OTX2: variants seen among roughly 807,000 people sequenced by gnomAD.
OTX2 encodes the protein orthodenticle homeobox 2.
OTX2 carries 4 observed loss-of-function variants against 29.0 expected under a neutral mutation model. That is an observed-to-expected ratio of 0.14 (90% CI 0.07 to 0.32). The LOEUF (loss-of-function observed/expected upper bound fraction) is 0.32, where lower values mean the gene tolerates loss of function less well. Among genes scored for constraint, OTX2 ranks in the 10% least tolerant of loss-of-function variants. OTX2 has a pLI of 1.00. For missense variants in OTX2, 298 were observed against 365.9 expected (o/e 0.81, Z 1.51); for synonymous variants, 134 against 141.0 (o/e 0.95, Z 0.35).
chr14:56,805,812 T>TAAAAAAA (rs397957887), intron 2 of OTX2: 1 of 111,290 alleles, frequency 9.0e-6, no homozygotes, highest in Non-Finnish European at 1.7e-5. Flanking sequence ...ACCCTAAACT[T>TAAAAAAA]AAAAAAAAAA....
At chr14:56,805,212 C>CA in intron 3 of OTX2, 148 bp downstream of exon 3, 2 of 641,578 alleles carry the variant, frequency 3.1e-6, no homozygotes, top group Non-Finnish European at 5.6e-6. Flanking sequence ...ACTGCTTCCT[C>CA]AGAAGGCAAA....
Position 56,802,907 on chromosome 14 carries a change from G to A in OTX2, c.274-552C>T, listed in dbSNP as rs1229915117. 6.6e-6 allele frequency among the ~76,000 whole-genome samples: 1 copy of A among 152,192 alleles called. No homozygotes were observed. Among genetic ancestry groups the A allele is most frequent in the Non-Finnish European group, 1.5e-5 (1 of 68,034 alleles). On this transcript the variant is annotated intron_variant, in intron 4 of 4. Coordinates refer to ENST00000672264, the MANE Select transcript of OTX2 (RefSeq NM_021728.4). The surrounding 1 kb of genome is among the most constrained non-coding windows in gnomAD (Gnocchi z 4.4). ...GACTCACAGAACAAAGCTCCAAGGG[G>A]AAGACATGATCTTGTTGAAGAAAGA...
At chr14:56,809,504 G>A (rs985299852) in intron 2 of OTX2, among the ~76,000 whole-genome samples, 5 of 152,236 alleles carry the variant, frequency 3.3e-5, no homozygotes, top group Non-Finnish European at 5.9e-5. Flanking sequence ...GCCAAAGAGA[G>A]CGAGCAGTGA....
In OTX2 at chr14:56,801,140, C is replaced by T. The variant is rs764392879; in HGVS notation, c.*595G>A. 3 of 166,350 alleles carry T rather than the reference C, an allele frequency of 1.8e-5. No individual in the cohort carries two copies. Among genetic ancestry groups the T allele is most frequent in the Non-Finnish European group, 4.0e-5 (3 of 75,238 alleles). The allele number at this position is 166,350 out of a possible 1,614,324, so 10.3% of individuals were successfully genotyped here. A position where few individuals can be genotyped will look rare whatever the true frequency, so the allele number is the denominator to read the frequency against. On this transcript the variant is annotated 3_prime_UTR_variant, in exon 5 of 5. Transcript: ENST00000672264. The surrounding 1 kb of genome is among the most constrained non-coding windows in gnomAD (Gnocchi z 4.2). ...TTTGAAGTCTAGCACAGATTAAAAACCACAGATGTACCATTTATAAGACAC... is the reference window on the plus strand; with the variant it reads ...TTTGAAGTCTAGCACAGATTAAAAATCACAGATGTACCATTTATAAGACAC...
rs1333207787 is a variant in OTX2 at position 56,802,362 on chromosome 14, A to G, written c.274-7T>C. The G allele has an allele frequency of 6.2e-7, 1 of 1,614,100 alleles. No homozygotes were observed. Among genetic ancestry groups the G allele is most frequent in the Non-Finnish European group, 8.5e-7 (1 of 1,180,034 alleles). On this transcript the variant is annotated splice_region_variant and splice_polypyrimidine_tract_variant and intron_variant, in intron 4 of 4. Coordinates refer to ENST00000672264, the MANE Select transcript of OTX2 (RefSeq NM_021728.4). This position sits in a 1 kb window ranked among gnomAD's most constrained non-coding sequence, Gnocchi z 4.4. ...TTCGATTCTTAAACCATACCTTGGA[A>G]GGGAAAGAAAATTCTTTAACTCGGT...
Position 56,801,507 on chromosome 14 carries a change from G to A in OTX2, c.*228C>T, listed in dbSNP as rs903692952. ...CACTTTGCAAATCAGGATAACCAAT[G>A]ATCTAAAACTATGACAGGATCTTAA... On this transcript the variant is annotated 3_prime_UTR_variant, in exon 5 of 5. Transcript: ENST00000672264. The surrounding 1 kb of genome is among the most constrained non-coding windows in gnomAD (Gnocchi z 4.2). The A allele has an allele frequency of 6.8e-6, 4 of 584,050 alleles. No homozygotes were observed. Among genetic ancestry groups the A allele is most frequent in the African/African-American group, 5.6e-5 (3 of 53,586 alleles). The allele number at this position is 584,050 out of a possible 1,614,324, so 36.2% of individuals were successfully genotyped here. A position where few individuals can be genotyped will look rare whatever the true frequency, so the allele number is the denominator to read the frequency against.
rs1891872266 is a variant in OTX2, at chr14:56,801,453, T to A, written c.*282A>T. The stretch of plus-strand genomic sequence containing the variant: ...GTTTGATTTTATTTTTGGTGGTGTT[T>A]GGTTGCACATGGCTAGAATGCTTTT... On this transcript the variant is annotated 3_prime_UTR_variant, in exon 5 of 5. Coordinates refer to ENST00000672264, the MANE Select transcript of OTX2 (RefSeq NM_021728.4). This position sits in a 1 kb window ranked among gnomAD's most constrained non-coding sequence, Gnocchi z 4.2. 1 of 484,698 alleles carries A rather than the reference T, an allele frequency of 2.1e-6. No individual in the cohort carries two copies. The highest frequency in any genetic ancestry group is 3.8e-6 in the Non-Finnish European group (1 of 266,440). 30.0% of individuals were successfully genotyped at this position (484,698 alleles called of 1,614,324 possible). A position where few individuals can be genotyped will look rare whatever the true frequency, so the allele number is the denominator to read the frequency against.
chr14:56,807,999 C>A (rs766708256), intron 2 of OTX2, among the ~76,000 whole-genome samples: 1 of 116,010 alleles, frequency 8.6e-6, no homozygotes, highest in Non-Finnish European at 1.9e-5. Flanking sequence ...AGCCCCGCAG[C>A]CCCGCAGCCC....
chr14:56,800,815 T>C lies in OTX2; in HGVS notation c.*920A>G, dbSNP rs80140046. 1 of 152,654 alleles carries C rather than the reference T, an allele frequency of 6.6e-6. No homozygotes were observed. Among genetic ancestry groups the C allele is most frequent in the Admixed American group, 6.5e-5 (1 of 15,278 alleles). 9.5% of individuals were successfully genotyped at this position (152,654 alleles called of 1,614,324 possible). A position where few individuals can be genotyped will look rare whatever the true frequency, so the allele number is the denominator to read the frequency against. ...TAACATCTGCAAGCATAAACGACAA[T>C]GATCTCAGTTTAATAATTCATCAGG... On this transcript the variant is annotated 3_prime_UTR_variant, in exon 5 of 5. Transcript: ENST00000672264.
In OTX2 at chr14:56,801,785, A is replaced by T. The variant is rs764205900; in HGVS notation, c.844T>A (p.Cys282Ser). The T allele has an allele frequency of 5.6e-6, 9 of 1,614,216 alleles. No homozygotes were observed. Among genetic ancestry groups the T allele is most frequent in the Non-Finnish European group, 6.8e-6 (8 of 1,180,044 alleles). Residue 282 changes from cysteine (C) to serine (S), a missense_variant, in exon 5 of 5, where the codon TGC becomes AGC. Physicochemically the swap from Cys to Ser is moderately radical, Grantham distance 112 (BLOSUM62 -1). Transcript: ENST00000672264. The surrounding 1 kb of genome is among the most constrained non-coding windows in gnomAD (Gnocchi z 4.2). The stretch of plus-strand genomic sequence containing the variant: ...GATGTCTGATCTTTATAATCCAAGC[A>T]GTCAGCATTGAAGTTAAGCTTCCAG... ...ASWKLNFNADCLDYKDQTSSW... is the reference protein window; with the variant it reads ...ASWKLNFNADSLDYKDQTSSW...
intron 2 of OTX2, among the ~76,000 whole-genome samples, chr14:56,809,118 G>A (rs537926163): frequency 6.6e-6 from 1 of 151,806 alleles, no homozygotes; most frequent in Admixed American, 6.5e-5. Flanking sequence ...GCGCGCGGGC[G>A]AGCCCTGCCT....
chr14:56,809,154 G>A (rs909408472), intron 2 of OTX2, among the ~76,000 whole-genome samples: 8 of 152,136 alleles, frequency 5.3e-5, no homozygotes, highest in Admixed American at 3.3e-4. Flanking sequence ...CAGCTGAGGG[G>A]CCGCGGTCCC....
chr14:56,801,888 G>A lies in OTX2; in HGVS notation c.741C>T (p.Ser247=). ...AGCTTGAAGCTCCATATCCCTGGGT[G>A]GAAAGAGAAGCTGGGGACTGATTGA... ...SHLNQSPASL[S]TQGYGASSLG... Residue 247 remains serine, a synonymous_variant, in exon 5 of 5, where the codon TCC becomes TCT. Coordinates refer to ENST00000672264, the MANE Select transcript of OTX2 (RefSeq NM_021728.4). The surrounding 1 kb of genome is among the most constrained non-coding windows in gnomAD (Gnocchi z 4.2). The A allele has an allele frequency of 1.2e-6, 2 of 1,614,200 alleles. No homozygotes were observed. Among genetic ancestry groups the A allele is most frequent in the Non-Finnish European group, 1.7e-6 (2 of 1,180,036 alleles).
In OTX2 at chr14:56,804,494, A is replaced by AG; in HGVS notation, c.98-132_98-131insC. 1 of 825,022 alleles carries AG rather than the reference A, an allele frequency of 1.2e-6. No homozygotes were observed. Among genetic ancestry groups the AG allele is most frequent in the South Asian group, 1.8e-5 (1 of 54,292 alleles). 51.1% of individuals were successfully genotyped at this position (825,022 alleles called of 1,614,324 possible). A position where few individuals can be genotyped will look rare whatever the true frequency, so the allele number is the denominator to read the frequency against. On this transcript the variant is annotated intron_variant, in intron 3 of 4. Coordinates refer to ENST00000672264, the MANE Select transcript of OTX2 (RefSeq NM_021728.4). The surrounding 1 kb of genome is among the most constrained non-coding windows in gnomAD (Gnocchi z 4.1). ...CCGGGAGCCTACCAATGCTCTCCCC[A>AG]CCGTCTCCCCAGCCTTGCTCCCCGG...
At position 56,801,689 on chromosome 14, in the gene OTX2, C is replaced by T. The variant is rs757464106; in HGVS notation, c.*46G>A. On this transcript the variant is annotated 3_prime_UTR_variant, in exon 5 of 5. Coordinates refer to ENST00000672264, the MANE Select transcript of OTX2 (RefSeq NM_021728.4). This position sits in a 1 kb window ranked among gnomAD's most constrained non-coding sequence, Gnocchi z 4.2. ...GCCTGGCTAAAACTGGAATGTCCAG[C>T]CCAGTATATTTAAAAATCACCCACA... The T allele has an allele frequency of 8.8e-6, 14 of 1,597,480 alleles. No individual in the cohort carries two copies. The highest frequency in any genetic ancestry group is 2.2e-5 in the East Asian group (1 of 44,822).
chr14:56,805,640 C>G, intron 2 of OTX2, 65 bp from the exon 3 acceptor site: 2 of 618,118 alleles, frequency 3.2e-6, no homozygotes, highest in Non-Finnish European at 5.9e-6. Context: ...GCAGCTCTTC[C>G]ACGTTCCAGC....
rs200002729 is a variant in OTX2 at position 56,805,502 on chromosome 14, C to T, written c.-46G>A. The T allele has an allele frequency of 3.7e-6, 5 of 1,333,986 alleles. No homozygotes were observed. In the Admixed American group the frequency reaches 8.6e-5, roughly 23 times the overall value. The allele number at this position is 1,333,986 out of a possible 1,614,324, so 82.6% of individuals were successfully genotyped here. On this transcript the variant is annotated 5_prime_UTR_variant, in exon 3 of 5. Transcript: ENST00000672264. The stretch of plus-strand genomic sequence containing the variant: ...CAAAGTCGGCCCAAATCGGGGGTAC[C>T]CAGCTGGAAGATCTTGATGCGCCCG...
At chr14:56,803,017 C>T (rs1163332308) in intron 4 of OTX2, among the ~76,000 whole-genome samples, 1 of 152,206 alleles carries the variant, frequency 6.6e-6, no homozygotes, top group Admixed American at 6.5e-5. Flanking sequence ...GGAGCACAGA[C>T]CTGCTAGTCT....
At position 56,802,208 on chromosome 14, in the gene OTX2, G is replaced by T. The variant is rs376333965; in HGVS notation, c.421C>A (p.Pro141Thr). 8.1e-6 allele frequency: 13 copies of T among 1,614,022 alleles called. No individual in the cohort carries two copies. In the African/African-American group the frequency reaches 1.3e-4, roughly 17 times the overall value. Reference sequence around the variant, plus strand: ...GTCGGGACTGAGGTGCTAGAGGGGGGAGTGAATTGGCCACTTGTTCCACTC... The same window carrying T: ...GTCGGGACTGAGGTGCTAGAGGGGGTAGTGAATTGGCCACTTGTTCCACTC... ...SESGTSGQFT[P>T]PSSTSVPTIA... is the part of the protein sequence containing the mutation. The change falls in exon 5 of 5, where the codon CCC (proline) becomes ACC (threonine). Residue 141 changes from proline (P) to threonine (T), a missense_variant. By Grantham distance (38) the Pro-to-Thr change is conservative. Coordinates refer to ENST00000672264, the MANE Select transcript of OTX2 (RefSeq NM_021728.4). This position sits in a 1 kb window ranked among gnomAD's most constrained non-coding sequence, Gnocchi z 4.4.
Sources: gnomAD v4.1 joint callset for allele counts (sites outside exome capture counted in the v4.1 genomes callset) on GRCh38, gnomAD v4.1.1 for gene constraint, Gnocchi (gnomAD v3.1) non-coding constraint, MANE v1.5 for transcripts, NCBI Gene and HGNC (gene_info 2026-07-23, HGNC 2026-07-21) for gene names.